Variants in KMT2D observed in about 807,000 individuals in gnomAD.
KMT2D encodes the protein lysine methyltransferase 2D, also known as histone-lysine N-methyltransferase 2D.
In KMT2D, 55 loss-of-function variants were observed where a neutral mutation model predicts 512.7. That is an observed-to-expected ratio of 0.11 (90% CI 0.09 to 0.13). The LOEUF (loss-of-function observed/expected upper bound fraction) is 0.13. KMT2D is among the 10% of genes least tolerant of loss of function. KMT2D has a pLI of 1.00. For missense variants in KMT2D, 6,061 were observed against 7,127.9 expected, an observed-to-expected ratio of 0.85 and a Z score of 5.39; for synonymous variants, 2,995 against 2,904.0, an observed-to-expected ratio of 1.03 and a Z score of -1.01.
rs2120496346 is a variant in KMT2D, at chr12:49,038,398, C to A, written c.8958G>T (p.Leu2986Phe). ...CATCCAGCTCGGGATCCTCACAGGG[C>A]AACTTCCCAGCTTCCAGGGCCAGAG... ...PNPLALEAGK[L>F]PCEDPELDDD... Residue 2986 changes from leucine to phenylalanine, a missense_variant, in exon 35 of 55, where the codon TTG becomes TTT. Coordinates refer to ENST00000301067, the MANE Select transcript of KMT2D (RefSeq NM_003482.4). The surrounding 1 kb of genome is among the most constrained non-coding windows in gnomAD (Gnocchi z 5.7). The A allele has an allele frequency of 1.9e-6, 3 of 1,613,830 alleles. No individual in the cohort carries two copies. The highest frequency in any genetic ancestry group is 2.5e-6 in the Non-Finnish European group (3 of 1,179,804).
chr12:49,044,483 C>T lies in KMT2D; in HGVS notation c.5003G>A (p.Gly1668Asp), dbSNP rs1453623451. ...EHMECEIKLE[G>D]PVSPDVEPGK... Reference sequence around the variant, plus strand: ...AGGCTCCACATCAGGGCTGACGGGGCCCTCCAGTTTAATTTCGCACTCCAT... The same window carrying T: ...AGGCTCCACATCAGGGCTGACGGGGTCCTCCAGTTTAATTTCGCACTCCAT... The change falls in exon 21 of 55, where the codon GGC becomes GAC. Residue 1668 changes from glycine to aspartate, a missense_variant. Transcript: ENST00000301067. The surrounding 1 kb of genome is among the most constrained non-coding windows in gnomAD (Gnocchi z 6.4). 1.2e-6 allele frequency: 2 copies of T among 1,614,008 alleles called. No individual in the cohort carries two copies. Among genetic ancestry groups the T allele is most frequent in the South Asian group, 1.1e-5 (1 of 91,086 alleles).
At chr12:49,059,099 G>A (rs538252821) in intron 1 of KMT2D, among the ~76,000 whole-genome samples, 2 of 152,288 alleles carry the variant, frequency 1.3e-5, no homozygotes, top group South Asian at 2.1e-4. Flanking sequence ...GTGAAAGAAG[G>A]CCTGGTGAAG....
chr12:49,023,978 G>A (rs970019337), intron 51 of KMT2D: 7 of 442,236 alleles, frequency 1.6e-5, no homozygotes, highest in Non-Finnish European at 3.1e-5. Context: ...TGTGACCTTT[G>A]CCTAGTCATT....
At position 49,039,031 on chromosome 12, in the gene KMT2D, A is replaced by C. The variant is rs1344707555; in HGVS notation, c.8367-42T>G. 2 of 1,548,498 alleles carry C rather than the reference A, an allele frequency of 1.3e-6. No homozygotes were observed. The highest frequency in any genetic ancestry group is 2.7e-5 in the African/African-American group (2 of 73,058). ...TAGTCAGTAGGATGAAATCAGATGA[A>C]AAGGAGCAAGAACATGGGCTTAGGG... On this transcript the variant is annotated intron_variant, in intron 34 of 54. Coordinates refer to ENST00000301067, the MANE Select transcript of KMT2D (RefSeq NM_003482.4). The surrounding 1 kb of genome is among the most constrained non-coding windows in gnomAD (Gnocchi z 5.0).
chr12:49,050,278 G>T lies in KMT2D; in HGVS notation c.3310C>A (p.Pro1104Thr). 6.2e-7 allele frequency: 1 copy of T among 1,611,522 alleles called. No homozygotes were observed. Among genetic ancestry groups the T allele is most frequent in the East Asian group, 2.2e-5 (1 of 44,782 alleles). The change falls in exon 12 of 55, where the codon CCC becomes ACC. Residue 1104 changes from proline (P) to threonine (T), a missense_variant. Physicochemically the swap from Pro to Thr is conservative, Grantham distance 38 (BLOSUM62 -1). Around this residue, in one of 16 missense-constraint regions of KMT2D, gnomAD observed 447 missense variants for 500.1 expected, o/e 0.89. Coordinates refer to ENST00000301067, the MANE Select transcript of KMT2D (RefSeq NM_003482.4). Reference sequence around the variant, plus strand: ...AGGGCTGGGGCAGGGCTGGGGGCGGGGCAGGAAAGGTCCCCCATTGGGGAA... The same window carrying T: ...AGGGCTGGGGCAGGGCTGGGGGCGGTGCAGGAAAGGTCCCCCATTGGGGAA... The part of the protein sequence containing the change: ...LPSPMGDLSC[P>T]APSPAPALDD...
Position 49,037,313 on chromosome 12 carries a change from G to A in KMT2D, c.10043C>T (p.Ala3348Val), listed in dbSNP as rs751077983. 1.9e-6 allele frequency: 3 copies of A among 1,613,124 alleles called. No homozygotes were observed. In the East Asian group the frequency reaches 6.7e-5, roughly 36 times the overall value. Residue 3348 changes from alanine (A) to valine (V), a missense_variant, in exon 35 of 55, where the codon GCT becomes GTT. Physicochemically the swap from Ala to Val is moderately conservative, Grantham distance 64. Transcript: ENST00000301067. ...ALQQRLAPSM[A>V]MVSNQGHMLS... Reference sequence around the variant, plus strand: ...CATATGCCCTTGATTGGACACCATAGCCATGGATGGAGCCAGGCGTTGCTG... The same window carrying A: ...CATATGCCCTTGATTGGACACCATAACCATGGATGGAGCCAGGCGTTGCTG...
chr12:49,047,487 G>A (rs915818296), intron 15 of KMT2D, among the ~76,000 whole-genome samples: 5 of 143,498 alleles, frequency 3.5e-5, no homozygotes, highest in South Asian at 4.4e-4. Flanking sequence ...GCGTGATCTC[G>A]GCTCACTGCA....
chr12:49,031,058 G>A (rs1393382043), intron 40 of KMT2D, 25 bp from the exon 41 acceptor site: 1 of 1,613,330 alleles, frequency 6.2e-7, no homozygotes, highest in Non-Finnish European at 8.5e-7. Flanking sequence ...CCCATTGAAG[G>A]CTGCTACCCT....
In KMT2D at chr12:49,034,399, C is replaced by T. The variant is rs752531936; in HGVS notation, c.10507+11G>A. 6.8e-6 allele frequency: 11 copies of T among 1,613,790 alleles called. No individual in the cohort carries two copies. The highest frequency in any genetic ancestry group is 8.5e-6 in the Non-Finnish European group (10 of 1,179,802). On this transcript the variant is annotated intron_variant, in intron 38 of 54. Coordinates refer to ENST00000301067, the MANE Select transcript of KMT2D (RefSeq NM_003482.4). ...ACTCCCCTGCACCTTCCTCCCACGC[C>T]CCATACTCACTGATCACTCCCTGAG...
intron 19 of KMT2D, among the ~76,000 whole-genome samples, 194 bp downstream of exon 19, chr12:49,045,726 G>A (rs904667326): frequency 4.0e-5 from 6 of 151,812 alleles, no homozygotes; most frequent in Admixed American, 1.3e-4. Context: ...AACATTGCCC[G>A]GGAAGCTGGA....
At position 49,032,280 on chromosome 12, in the gene KMT2D, C is replaced by T; in HGVS notation, c.12425G>A (p.Gly4142Glu). Residue 4142 changes from glycine to glutamate, a missense_variant, in exon 40 of 55, where the codon GGG becomes GAG. By Grantham distance (98) the Gly-to-Glu change is moderately conservative. Around this residue, in one of 16 missense-constraint regions of KMT2D, gnomAD observed 1,600 missense variants for 1,754.9 expected, o/e 0.91. Transcript: ENST00000301067. ...CTGGGTCATGGACCCAGGCTGATCC[C>T]CTAAGGAAACAGAGGGCTGAGCCAG... ...HLLAQPSVSL[G>E]DQPGSMTQNL... 5 of 1,613,958 alleles carry T rather than the reference C, an allele frequency of 3.1e-6. No homozygotes were observed. In the African/African-American group the frequency reaches 6.7e-5, roughly 22 times the overall value.
rs1443728446 is a variant in KMT2D, at chr12:49,033,024, A to C, written c.11681T>G (p.Met3894Arg). Reference sequence around the variant, plus strand: ...CTGCTGAAGCTGCTGTAAAGAGCCCATGGGCTGAGCGCTCAGTTTGGGCTG... The same window carrying C: ...CTGCTGAAGCTGCTGTAAAGAGCCCCTGGGCTGAGCGCTCAGTTTGGGCTG... The part of the protein sequence containing the change: ...SGQPKLSAQP[M>R]GSLQQLQQQQ... Residue 3894 changes from methionine (M) to arginine (R), a missense_variant, in exon 40 of 55, where the codon ATG (methionine) becomes AGG (arginine). By Grantham distance (91) the Met-to-Arg change is moderately conservative. This residue lies in a region of KMT2D where 1,600 missense variants were observed against 1,754.9 expected (regional missense o/e 0.91). Transcript: ENST00000301067. 6.4e-7 allele frequency: 1 copy of C among 1,551,298 alleles called. No individual in the cohort carries two copies.
intron 25 of KMT2D, 67 bp from the exon 26 acceptor site, chr12:49,043,253 G>C: frequency 6.5e-7 from 1 of 1,536,432 alleles, no homozygotes. Context: ...GAACCACAGA[G>C]GGCCATGGGA....
Position 49,046,534 on chromosome 12 carries a change from G to A in KMT2D, c.4418+75C>T, listed in dbSNP as rs1225863688. ...GCCTGGCCTCCTAAACCCAGCCTCTGTCACATACTCAACATCATATCCACT... is the reference window on the plus strand; with the variant it reads ...GCCTGGCCTCCTAAACCCAGCCTCTATCACATACTCAACATCATATCCACT... On this transcript the variant is annotated intron_variant, in intron 16 of 54. Coordinates refer to ENST00000301067, the MANE Select transcript of KMT2D (RefSeq NM_003482.4). This position sits in a 1 kb window ranked among gnomAD's most constrained non-coding sequence, Gnocchi z 4.2. 6.3e-7 allele frequency: 1 copy of A among 1,575,082 alleles called. No homozygotes were observed. The highest frequency in any genetic ancestry group is 1.7e-5 in the Admixed American group (1 of 58,188).
chr12:49,044,485 C>T lies in KMT2D; in HGVS notation c.5001G>A (p.Glu1667=), dbSNP rs1943694620. 6.2e-7 allele frequency: 1 copy of T among 1,613,910 alleles called. No homozygotes were observed. The highest frequency in any genetic ancestry group is 1.1e-5 in the South Asian group (1 of 91,082). The change falls in exon 21 of 55, where the codon GAG becomes GAA. Residue 1667 remains glutamate, a synonymous_variant. Coordinates refer to ENST00000301067, the MANE Select transcript of KMT2D (RefSeq NM_003482.4). This position sits in a 1 kb window ranked among gnomAD's most constrained non-coding sequence, Gnocchi z 6.4. The stretch of plus-strand genomic sequence containing the variant: ...GCTCCACATCAGGGCTGACGGGGCC[C>T]TCCAGTTTAATTTCGCACTCCATGT... ...VEHMECEIKL[E]GPVSPDVEPG...
At chr12:49,058,769 G>A (rs1938561321) in intron 1 of KMT2D, among the ~76,000 whole-genome samples, 1 of 152,180 alleles carries the variant, frequency 6.6e-6, no homozygotes, top group Non-Finnish European at 1.5e-5. Context: ...TGCAGGACTG[G>A]CCAGGGACTC....
In KMT2D at chr12:49,037,960, G is replaced by A. The variant is rs1175405763; in HGVS notation, c.9396C>T (p.Cys3132=). 6.2e-7 allele frequency: 1 copy of A among 1,603,008 alleles called. No individual in the cohort carries two copies. The highest frequency in any genetic ancestry group is 8.5e-7 in the Non-Finnish European group (1 of 1,175,066). ...CCTTGGGGGTAGCAATGGTGAATTG[G>A]CAAGGAGAAGGGTGGCGTCCACCCT... ...VEEGGRHPSP[C]QFTIATPKVE... The change falls in exon 35 of 55, where the codon TGC becomes TGT. Residue 3132 remains cysteine, a synonymous_variant. Coordinates refer to ENST00000301067, the MANE Select transcript of KMT2D (RefSeq NM_003482.4).
At position 49,042,963 on chromosome 12, in the gene KMT2D, A is replaced by G; in HGVS notation, c.5645-85T>C. On this transcript the variant is annotated intron_variant, in intron 26 of 54. Transcript: ENST00000301067. This position sits in a 1 kb window ranked among gnomAD's most constrained non-coding sequence, Gnocchi z 4.4. ...TCTACAAATGATCATGGCCAGGAACAGTCCAGGACTCCCCACCAGAGAAGC... is the reference window on the plus strand; with the variant it reads ...TCTACAAATGATCATGGCCAGGAACGGTCCAGGACTCCCCACCAGAGAAGC... 3.2e-6 allele frequency: 5 copies of G among 1,577,516 alleles called. No homozygotes were observed. The highest frequency in any genetic ancestry group is 4.3e-6 in the Non-Finnish European group (5 of 1,149,666).
chr12:49,021,995 AAAG>A, intron 54 of KMT2D, 45 bp downstream of exon 54: 1 of 1,576,230 alleles, frequency 6.3e-7, no homozygotes, highest in South Asian at 1.1e-5. Flanking sequence ...AGAAGGGGTG[AAAG>A]GAGGAGGAGC....
Sources: gnomAD v4.1 joint callset for allele counts (sites outside exome capture counted in the v4.1 genomes callset) on GRCh38, gnomAD v4.1.1 for gene constraint, gnomAD v4.1.1 regional missense constraint, Gnocchi (gnomAD v3.1) non-coding constraint, MANE v1.5 for transcripts, NCBI Gene and HGNC (gene_info 2026-07-23, HGNC 2026-07-21) for gene names.